MSANTD2: variants seen among roughly 807,000 people sequenced by gnomAD.
The protein encoded by MSANTD2 is Myb/SANT DNA binding domain containing 2, also known as myb/SANT-like DNA-binding domain-containing protein 2.
A neutral mutation model predicts 52.6 loss-of-function variants in MSANTD2; 19 were observed. The observed-to-expected ratio is 0.36, with a 90% CI of 0.25 to 0.53. The LOEUF (loss-of-function observed/expected upper bound fraction) is 0.53, where lower values mean the gene tolerates loss of function less well. Ranked by LOEUF, MSANTD2 falls within the 20% of genes least tolerant of loss-of-function variation. The pLI is 0.91. For missense variants in MSANTD2, 558 were observed against 716.3 expected (o/e 0.78, Z 2.52); for synonymous variants, 291 against 289.7 (o/e 1.00, Z -0.04).
At chr11:124,784,576 C>T in intron 1 of MSANTD2, 1 of 985,238 alleles carries the variant, frequency 1.0e-6, no homozygotes, top group Non-Finnish European at 1.2e-6. Context: ...TTCATGAGAC[C>T]AATGTTTAAA....
intron 3 of MSANTD2, among the ~76,000 whole-genome samples, chr11:124,768,352 T>C (rs1944380726): frequency 6.6e-6 from 1 of 152,164 alleles, no homozygotes; most frequent in South Asian, 2.1e-4. Flanking sequence ...CACTGTATAA[T>C]CAGAATCAAT....
intron 1 of MSANTD2, chr11:124,784,033 T>C: frequency 4.1e-6 from 4 of 985,102 alleles, no homozygotes; most frequent in Non-Finnish European, 4.8e-6. Flanking sequence ...TTTACAAGAA[T>C]ACAGGTCAAA....
intron 3 of MSANTD2, among the ~76,000 whole-genome samples, chr11:124,771,806 A>C (rs933006889): frequency 8.5e-5 from 13 of 152,220 alleles, no homozygotes; most frequent in Non-Finnish European, 5.9e-5. Context: ...TACCTATCAC[A>C]GCCCTTTTTG....
intron 3 of MSANTD2, among the ~76,000 whole-genome samples, chr11:124,771,829 C>T (rs962241347): frequency 2.0e-5 from 3 of 152,152 alleles, no homozygotes; most frequent in Non-Finnish European, 4.4e-5. Context: ...TCTTCTCTAC[C>T]ATCTCTCAGA....
chr11:124,791,976 G>C (rs1591474552), intron 1 of MSANTD2: 1 of 195,522 alleles, frequency 5.1e-6, no homozygotes, highest in Non-Finnish European at 1.1e-5. Flanking sequence ...ACTTAGAATA[G>C]TGCATGGCAC....
intron 1 of MSANTD2, chr11:124,775,945 T>C (rs1430540117): frequency 6.6e-6 from 1 of 152,250 alleles, no homozygotes; most frequent in African/African-American, 2.4e-5. Flanking sequence ...CTATCTTATA[T>C]GGCATTTCAA....
intron 1 of MSANTD2, 64 bp downstream of exon 1, chr11:124,799,807 G>T (rs1455180664): frequency 7.6e-7 from 1 of 1,308,964 alleles, no homozygotes; most frequent in Non-Finnish European, 1.0e-6. Flanking sequence ...CCCCGCCCCC[G>T]AGGCCCGCTT....
intron 1 of MSANTD2, among the ~76,000 whole-genome samples, chr11:124,793,250 T>C (rs777352794): frequency 6.6e-6 from 1 of 152,238 alleles, no homozygotes; most frequent in Non-Finnish European, 1.5e-5. Flanking sequence ...AAGAGACAGT[T>C]GATAAAACTC....
At chr11:124,791,783 G>A (rs1294103697) in intron 1 of MSANTD2, 1 of 586,166 alleles carries the variant, frequency 1.7e-6, no homozygotes, top group Non-Finnish European at 3.1e-6. Context: ...AGGAGGATGT[G>A]GGGCAGAGAA....
At chr11:124,798,710 A>G (rs1480741076) in intron 1 of MSANTD2, among the ~76,000 whole-genome samples, 1 of 152,122 alleles carries the variant, frequency 6.6e-6, no homozygotes, top group African/African-American at 2.4e-5. Context: ...ACTCTAACTC[A>G]TGATTGCGCC....
chr11:124,787,789 C>G (rs147933024), intron 1 of MSANTD2, among the ~76,000 whole-genome samples: 36 of 152,182 alleles, frequency 2.4e-4, no homozygotes, highest in Middle Eastern at 3.4e-3. Context: ...GACTTTTTTG[C>G]TCAGTTCTTC....
In MSANTD2 at chr11:124,800,401, C is replaced by A. The variant is rs372932391; in HGVS notation, c.-21G>T. On this transcript the variant is annotated 5_prime_UTR_variant, in exon 1 of 4. Coordinates refer to ENST00000374979, the MANE Select transcript of MSANTD2 (RefSeq NM_001308027.2). This position sits in a 1 kb window ranked among gnomAD's most constrained non-coding sequence, Gnocchi z 4.3. ...GCCATCTTCCAAGCGGCCGCCGCTGCACCGCCCGGAAGTGACGCGCCCGCG... is the reference window on the plus strand; with the variant it reads ...GCCATCTTCCAAGCGGCCGCCGCTGAACCGCCCGGAAGTGACGCGCCCGCG... 3 of 1,477,872 alleles carry A rather than the reference C, an allele frequency of 2.0e-6. No individual in the cohort carries two copies. The highest frequency in any genetic ancestry group is 2.7e-5 in the East Asian group (1 of 36,458). 91.5% of individuals were successfully genotyped at this position (1,477,872 alleles called of 1,614,324 possible). A position where few individuals can be genotyped will look rare whatever the true frequency, so the allele number is the denominator to read the frequency against.
At chr11:124,791,953 A>C (rs747889553) in intron 1 of MSANTD2, 20 of 242,842 alleles carry the variant, frequency 8.2e-5, no homozygotes, top group Non-Finnish European at 2.4e-5. Context: ...GATTAAGTTA[A>C]TATTTACAAA....
chr11:124,775,007 A>G (rs1464557735), intron 1 of MSANTD2, 33 bp from the exon 2 acceptor site: 1 of 1,522,468 alleles, frequency 6.6e-7, no homozygotes, highest in East Asian at 2.4e-5. Context: ...ATTCCTTTAA[A>G]GCTGTACTTC....
At chr11:124,796,711 A>G (rs1474637584) in intron 1 of MSANTD2, among the ~76,000 whole-genome samples, 1 of 152,246 alleles carries the variant, frequency 6.6e-6, no homozygotes, top group Non-Finnish European at 1.5e-5. Context: ...TTGAGTTCAC[A>G]TGTACTTTAG....
chr11:124,778,144 G>T (rs981731781), intron 1 of MSANTD2, among the ~76,000 whole-genome samples: 13 of 152,174 alleles, frequency 8.5e-5, no homozygotes, highest in African/African-American at 3.1e-4. Flanking sequence ...CTCTAGAGCT[G>T]AGATTACAAT....
In MSANTD2 at chr11:124,800,337, A is replaced by G; in HGVS notation, c.44T>C (p.Leu15Pro). The G allele has an allele frequency of 6.4e-7, 1 of 1,557,282 alleles. No individual in the cohort carries two copies. Among genetic ancestry groups the G allele is most frequent in the Non-Finnish European group, 8.7e-7 (1 of 1,154,184 alleles). The change falls in exon 1 of 4, where the codon CTA (leucine) becomes CCA (proline). Residue 15 changes from leucine (L) to proline (P), a missense_variant. Around this residue, in one of 2 missense-constraint regions of MSANTD2, gnomAD observed 150 missense variants for 142.7 expected, o/e 1.05. Transcript: ENST00000374979. This position sits in a 1 kb window ranked among gnomAD's most constrained non-coding sequence, Gnocchi z 4.3. ...CGSELPANSPLKIPKMEVLSP... is the reference protein window; with the variant it reads ...CGSELPANSPPKIPKMEVLSP... ...AAGCACCTCCATCTTCGGAATTTTTAGCGGCGAGTTGGCGGGCAGCTCCGA... is the reference window on the plus strand; with the variant it reads ...AAGCACCTCCATCTTCGGAATTTTTGGCGGCGAGTTGGCGGGCAGCTCCGA...
chr11:124,797,675 C>G (rs935909104), intron 1 of MSANTD2, among the ~76,000 whole-genome samples: 2 of 152,076 alleles, frequency 1.3e-5, no homozygotes, highest in African/African-American at 2.4e-5. Context: ...AAGAGTAGAG[C>G]ACTTTAAAAC....
chr11:124,785,242 A>T (rs1945120223), intron 1 of MSANTD2, among the ~76,000 whole-genome samples: 1 of 152,244 alleles, frequency 6.6e-6, no homozygotes. Flanking sequence ...AATGAAGGTA[A>T]ATCATAGCTA....
Sources: allele counts gnomAD v4.1 joint callset (sites outside exome capture counted in the v4.1 genomes callset), GRCh38; gene constraint gnomAD v4.1.1; regional missense constraint gnomAD v4.1.1; non-coding constraint Gnocchi (gnomAD v3.1); transcripts MANE v1.5; gene names NCBI Gene and HGNC (gene_info 2026-07-23, HGNC 2026-07-21).